FAM53B: variants seen among roughly 807,000 people sequenced by gnomAD.
FAM53B encodes the protein family with sequence similarity 53 member B.
FAM53B carries 12 observed loss-of-function variants against 32.7 expected under a neutral mutation model. The observed-to-expected ratio is 0.37, with a 90% CI of 0.24 to 0.59. The LOEUF (loss-of-function observed/expected upper bound fraction) is 0.59. Ranked by LOEUF, FAM53B falls within the 20% of genes least tolerant of loss-of-function variation. The pLI is 0.72. For synonymous variants in FAM53B, 234 were observed against 228.7 expected, an observed-to-expected ratio of 1.02 and a Z score of -0.21; for missense variants, 477 against 577.7, an observed-to-expected ratio of 0.83 and a Z score of 1.79.
At chr10:124,633,798 A>C (rs999941021) in intron 4 of FAM53B, among the ~76,000 whole-genome samples, 1 of 152,218 alleles carries the variant, frequency 6.6e-6, no homozygotes, top group South Asian at 2.1e-4. Context: ...ACACAGACCA[A>C]AGAGTGTAAT....
intron 3 of FAM53B, among the ~76,000 whole-genome samples, chr10:124,694,272 C>T (rs952701049): frequency 2.0e-5 from 3 of 152,262 alleles, no homozygotes; most frequent in East Asian, 1.9e-4. Context: ...CAGGAGTCTG[C>T]AGACACAGCG....
intron 4 of FAM53B, among the ~76,000 whole-genome samples, chr10:124,631,957 G>A (rs1949393887): frequency 6.6e-6 from 1 of 152,160 alleles, no homozygotes; most frequent in South Asian, 2.1e-4. Context: ...TGGGTGCATC[G>A]TGCAGCCTGG....
chr10:124,688,416 C>T (rs1265762035), intron 3 of FAM53B, among the ~76,000 whole-genome samples: 1 of 152,224 alleles, frequency 6.6e-6, no homozygotes, highest in African/African-American at 2.4e-5. Flanking sequence ...TGAAATGATA[C>T]ACACGAGAGC....
intron 4 of FAM53B, among the ~76,000 whole-genome samples, chr10:124,660,547 G>C (rs970193952): frequency 2.0e-5 from 3 of 152,256 alleles, no homozygotes; most frequent in South Asian, 4.1e-4. Context: ...TATCACCTGG[G>C]GGGGCATGGG....
At chr10:124,741,242 T>G (rs1423113354) in intron 1 of FAM53B, among the ~76,000 whole-genome samples, 1 of 152,218 alleles carries the variant, frequency 6.6e-6, no homozygotes, top group East Asian at 1.9e-4. Context: ...GTGGTAATGA[T>G]GGGGGTTGTG....
intron 4 of FAM53B, among the ~76,000 whole-genome samples, chr10:124,678,669 C>G (rs1949751034): frequency 6.6e-6 from 1 of 152,200 alleles, no homozygotes; most frequent in Admixed American, 6.5e-5. Flanking sequence ...ATATCCTCTG[C>G]TTCTAGCAGA....
At chr10:124,703,018 G>T (rs1390956283) in intron 2 of FAM53B, among the ~76,000 whole-genome samples, 1 of 151,984 alleles carries the variant, frequency 6.6e-6, no homozygotes, top group East Asian at 1.9e-4. Flanking sequence ...GCTTCGTGAG[G>T]CCTTACTAGA....
At chr10:124,694,795 G>A (rs560118343) in intron 3 of FAM53B, among the ~76,000 whole-genome samples, 11 of 152,312 alleles carry the variant, frequency 7.2e-5, no homozygotes, top group East Asian at 3.9e-4. Context: ...TATGTCACAT[G>A]GAAAACCAGG....
At chr10:124,672,066 C>G (rs1033239490) in intron 4 of FAM53B, among the ~76,000 whole-genome samples, 1 of 152,224 alleles carries the variant, frequency 6.6e-6, no homozygotes, top group Non-Finnish European at 1.5e-5. Context: ...CTCCTGTCAG[C>G]AGGAGAAATT....
At chr10:124,623,720 G>C (rs4962672) in intron 4 of FAM53B, 116 bp from the exon 5 acceptor site, 1 of 1,247,728 alleles carries the variant, frequency 8.0e-7, no homozygotes, top group Non-Finnish European at 1.1e-6. Context: ...ATCAAGTCCC[G>C]GGTTCCTCCT....
In FAM53B at chr10:124,623,361, C is replaced by G. The variant is rs756937648; in HGVS notation, c.1150G>C (p.Asp384His). The G allele has an allele frequency of 6.2e-7, 1 of 1,612,666 alleles. No homozygotes were observed. The highest frequency in any genetic ancestry group is 8.5e-7 in the Non-Finnish European group (1 of 1,179,820). Residue 384 changes from aspartate to histidine, a missense_variant, in exon 5 of 5, where the codon GAC becomes CAC. Coordinates refer to ENST00000337318, the MANE Select transcript of FAM53B (RefSeq NM_014661.4). ...TCCGCTCTCCTGCCACAATCCTCGT[C>G]CAGGGCGCAGCTGTCTGACTCCTCA... Reference protein sequence around the residue: ...SCEESDSCALDEDCGRRAEPA... With the variant: ...SCEESDSCALHEDCGRRAEPA...
At chr10:124,728,007 A>C (rs1256856350) in intron 1 of FAM53B, among the ~76,000 whole-genome samples, 1 of 152,228 alleles carries the variant, frequency 6.6e-6, no homozygotes, top group Non-Finnish European at 1.5e-5. Flanking sequence ...CCAGACCACC[A>C]GAGTGCAAAC....
chr10:124,668,359 A>AT (rs898047668), intron 4 of FAM53B, among the ~76,000 whole-genome samples: 1 of 152,234 alleles, frequency 6.6e-6, no homozygotes, highest in African/African-American at 2.4e-5. Context: ...GCCGCAGGGT[A>AT]TTTATTCCCA....
chr10:124,739,056 A>C lies in FAM53B; in HGVS notation c.-175+4957T>G, dbSNP rs556098668. Among the ~76,000 whole-genome samples the C allele has an allele frequency of 5.9e-3, 902 of 151,880 alleles. 4 individuals are homozygous for C. Among genetic ancestry groups the C allele is most frequent in the Middle Eastern group, 0.014 (4 of 294 alleles). ...CACTCCAAAAAACAAAAAAAAAAAAACAAAAAACAAAAAAACACACAGCCA... is the reference window on the plus strand; with the variant it reads ...CACTCCAAAAAACAAAAAAAAAAAACCAAAAAACAAAAAAACACACAGCCA... On this transcript the variant is annotated intron_variant, in intron 1 of 4. Transcript: ENST00000337318.
chr10:124,695,676 G>C (rs534814225), intron 3 of FAM53B, among the ~76,000 whole-genome samples: 2 of 152,280 alleles, frequency 1.3e-5, no homozygotes, highest in East Asian at 1.9e-4. Flanking sequence ...CCATTAAAAT[G>C]CATGGAATGA....
At chr10:124,706,989 C>T (rs1338832203) in intron 1 of FAM53B, 102 bp from the exon 2 acceptor site, 14 of 1,083,110 alleles carry the variant, frequency 1.3e-5, no homozygotes, top group Non-Finnish European at 1.7e-5. Flanking sequence ...GGACTGGAAC[C>T]ACCTCTCTGC....
At chr10:124,629,702 T>C (rs1169106364) in intron 4 of FAM53B, among the ~76,000 whole-genome samples, 1 of 152,268 alleles carries the variant, frequency 6.6e-6, no homozygotes, top group African/African-American at 2.4e-5. Flanking sequence ...AAGTCCCATT[T>C]GTGCTGGAAG....
chr10:124,623,877 T>TG (rs1040232656), intron 4 of FAM53B: 3 of 442,372 alleles, frequency 6.8e-6, no homozygotes, highest in Non-Finnish European at 1.2e-5. Context: ...GACCCAGTTC[T>TG]GGGGGGCTGC....
chr10:124,729,102 C>T (rs919195232), intron 1 of FAM53B, among the ~76,000 whole-genome samples: 3 of 152,218 alleles, frequency 2.0e-5, no homozygotes, highest in Non-Finnish European at 2.9e-5. Flanking sequence ...GCTCAGAAAA[C>T]GCCAGCACTC....
Sources: gnomAD v4.1 joint callset for allele counts (sites outside exome capture counted in the v4.1 genomes callset) on GRCh38, gnomAD v4.1.1 for gene constraint, MANE v1.5 for transcripts, NCBI Gene and HGNC (gene_info 2026-07-23, HGNC 2026-07-21) for gene names.